TIPIN: variants seen among roughly 807,000 people sequenced by gnomAD.
TIPIN encodes TIMELESS-interacting protein.
A neutral mutation model predicts 35.6 loss-of-function variants in TIPIN; 29 were observed. The ratio of observed to expected loss-of-function variants is 0.82; its 90% CI spans 0.61 to 1.11. The LOEUF (loss-of-function observed/expected upper bound fraction) is 1.11, where lower values mean the gene tolerates loss of function less well. Among genes scored for constraint, TIPIN ranks in the 50% most tolerant of loss-of-function variants. The probability of loss-of-function intolerance (pLI) is 0.00; values close to 1 mark genes in which losing one functional copy is unlikely to be tolerated. For synonymous variants in TIPIN, 102 were observed against 121.5 expected (o/e 0.84, Z 1.06); for missense variants, 296 against 345.4 (o/e 0.86, Z 1.13).
intron 1 of TIPIN, among the ~76,000 whole-genome samples, chr15:66,372,687 C>T (rs1452968268): frequency 6.6e-6 from 1 of 152,142 alleles, no homozygotes; most frequent in Admixed American, 6.6e-5. Flanking sequence ...AGGCGGATCA[C>T]GAGGTCAAGA....
At chr15:66,350,782 A>C (rs1029690971) in intron 4 of TIPIN, among the ~76,000 whole-genome samples, 9 of 151,496 alleles carry the variant, frequency 5.9e-5, no homozygotes, top group African/African-American at 1.5e-4. Flanking sequence ...ACAAAAAAAA[A>C]AAATTAGCCA....
At chr15:66,379,227 A>C in intron 1 of TIPIN, 2 of 1,384,826 alleles carry the variant, frequency 1.4e-6, no homozygotes, top group Non-Finnish European at 9.5e-7. Flanking sequence ...TTATTTAGCT[A>C]TTTACTTTTC....
chr15:66,340,870 T>G (rs2093081787), intron 7 of TIPIN, among the ~76,000 whole-genome samples: 1 of 152,204 alleles, frequency 6.6e-6, no homozygotes, highest in African/African-American at 2.4e-5. Context: ...GTGCTGAGAT[T>G]ACAGGCATGA....
chr15:66,386,352 G>A (rs1407349538), intron 1 of TIPIN: 1 of 151,180 alleles, frequency 6.6e-6, no homozygotes, highest in Non-Finnish European at 1.5e-5. Flanking sequence ...CTCAAAAACT[G>A]TCGCAACAAT....
At position 66,351,609 on chromosome 15, in the gene TIPIN, A is replaced by T; in HGVS notation, c.213-9T>A. On this transcript the variant is annotated splice_polypyrimidine_tract_variant and intron_variant, in intron 3 of 7. Coordinates refer to ENST00000261881, the MANE Select transcript of TIPIN (RefSeq NM_017858.3). ...CTCTCTCTGAAATTAATCTGTGAAT[A>T]AAAGTATGTTTTTAATTTCAAGTTT... 6.3e-7 allele frequency: 1 copy of T among 1,586,852 alleles called. No individual in the cohort carries two copies. The highest frequency in any genetic ancestry group is 8.6e-7 in the Non-Finnish European group (1 of 1,167,652).
intron 1 of TIPIN, among the ~76,000 whole-genome samples, chr15:66,385,583 G>A (rs2093334308): frequency 3.3e-5 from 5 of 151,744 alleles, no homozygotes; most frequent in African/African-American, 1.2e-4. Flanking sequence ...TCCGCCTCCC[G>A]AGTTCAAGCA....
At chr15:66,338,770 C>G (rs993576154) in intron 7 of TIPIN, among the ~76,000 whole-genome samples, 1 of 142,078 alleles carries the variant, frequency 7.0e-6, no homozygotes, top group African/African-American at 2.7e-5. Context: ...GCCGAGATCA[C>G]GCCATTGCAC....
At chr15:66,379,943 G>T in intron 1 of TIPIN, 1 of 1,068,642 alleles carries the variant, frequency 9.4e-7, no homozygotes, top group South Asian at 1.4e-5. Flanking sequence ...CAAAGGACCT[G>T]GAATTTATTA....
chr15:66,361,034 A>T (rs1566980808), upstream of TIPIN, among the ~76,000 whole-genome samples: 2 of 118,764 alleles, frequency 1.7e-5, no homozygotes, highest in Admixed American at 9.6e-5. Context: ...CGGAAGGCTG[A>T]CGAATGAGGA....
At chr15:66,350,631 A>G (rs2093161245) in intron 4 of TIPIN, among the ~76,000 whole-genome samples, 1 of 150,014 alleles carries the variant, frequency 6.7e-6, no homozygotes, top group African/African-American at 2.5e-5. Flanking sequence ...AAAACACTTA[A>G]TAAAGTTAAA....
chr15:66,359,544 G>A (rs1411561522), upstream of TIPIN, among the ~76,000 whole-genome samples: 2 of 151,952 alleles, frequency 1.3e-5, no homozygotes, highest in African/African-American at 4.8e-5. Flanking sequence ...TAGAGATGGG[G>A]TTTCACCATG....
intron 1 of TIPIN, among the ~76,000 whole-genome samples, chr15:66,364,763 T>C (rs1313474073): frequency 2.6e-5 from 4 of 151,874 alleles, no homozygotes; most frequent in Admixed American, 2.6e-4. Context: ...GGCCAGGAGT[T>C]CGAGACTAGC....
intron 1 of TIPIN, among the ~76,000 whole-genome samples, chr15:66,385,791 T>G (rs1386811231): frequency 7.2e-6 from 1 of 138,356 alleles, no homozygotes; most frequent in Non-Finnish European, 1.6e-5. Flanking sequence ...CTGGCCTGGA[T>G]GAAAGTTTTT....
At chr15:66,349,006 A>T in intron 6 of TIPIN, 54 bp downstream of exon 6, 1 of 1,420,108 alleles carries the variant, frequency 7.0e-7, no homozygotes, top group Non-Finnish European at 9.9e-7. Context: ...CACCCTGCCT[A>T]GATCTATTTC....
At chr15:66,363,165 G>A (rs1207269123) in intron 1 of TIPIN, among the ~76,000 whole-genome samples, 4 of 152,114 alleles carry the variant, frequency 2.6e-5, no homozygotes, top group South Asian at 2.1e-4. Context: ...GTCTCCTGAG[G>A]CCAGGAGTTC....
At chr15:66,374,563 A>AT (rs1051952187) in intron 1 of TIPIN, among the ~76,000 whole-genome samples, 33 of 150,714 alleles carry the variant, frequency 2.2e-4, no homozygotes, top group African/African-American at 7.8e-4. Flanking sequence ...TCCTCGGCTA[A>AT]TTTTTTTTGT....
intron 1 of TIPIN, among the ~76,000 whole-genome samples, chr15:66,365,539 A>G (rs2093250295): frequency 6.6e-6 from 1 of 152,024 alleles, no homozygotes; most frequent in Non-Finnish European, 1.5e-5. Context: ...GCTGCTCTGC[A>G]TATTGTTTTT....
intron 7 of TIPIN, among the ~76,000 whole-genome samples, chr15:66,337,932 T>C (rs1339719549): frequency 2.0e-5 from 3 of 151,922 alleles, no homozygotes; most frequent in South Asian, 2.1e-4. Flanking sequence ...TCTTGGATCA[T>C]AGTCAAATGT....
chr15:66,344,432 A>G (rs1418644637), intron 6 of TIPIN, among the ~76,000 whole-genome samples: 1 of 130,392 alleles, frequency 7.7e-6, no homozygotes, highest in Middle Eastern at 3.8e-3. Flanking sequence ...AAAAAAAAGT[A>G]AAAAAAAAAG....
Sources: allele counts gnomAD v4.1 joint callset (sites outside exome capture counted in the v4.1 genomes callset), GRCh38; gene constraint gnomAD v4.1.1; transcripts MANE v1.5; gene names NCBI Gene and HGNC (gene_info 2026-07-23, HGNC 2026-07-21).